The following CDC73 variants were observed in gnomAD, a reference collection of about 807,000 sequenced individuals.
CDC73 encodes cell division cycle 73.
CDC73 carries 21 observed loss-of-function variants against 83.7 expected under a neutral mutation model. The ratio of observed to expected loss-of-function variants is 0.25; its 90% CI spans 0.18 to 0.36. The LOEUF is 0.36. CDC73 is among the 10% of genes least tolerant of loss of function. The pLI, the probability that CDC73 is intolerant of heterozygous loss-of-function variation, is 1.00. For missense variants in CDC73, 342 were observed against 653.3 expected (o/e 0.52, Z 5.19); for synonymous variants, 224 against 212.9 (o/e 1.05, Z -0.45).
At chr1:193,237,184 A>C (rs1172797997) in intron 15 of CDC73, 1 of 151,874 alleles carries the variant, frequency 6.6e-6, no homozygotes, top group Non-Finnish European at 1.5e-5. Context: ...CCCATTAGTT[A>C]TTATGAATGT....
chr1:193,180,313 C>CTAT (rs771681605), intron 10 of CDC73: 1 of 1,578,780 alleles, frequency 6.3e-7, no homozygotes, highest in South Asian at 1.2e-5. Flanking sequence ...TTTACGGTGG[C>CTAT]GATACCTGCC....
intron 10 of CDC73, chr1:193,180,822 A>G (rs1279357292): frequency 1.2e-6 from 2 of 1,614,098 alleles, no homozygotes; most frequent in African/African-American, 1.3e-5. Flanking sequence ...TTTTCATAAC[A>G]TATGGAATAT....
chr1:193,223,504 T>C (rs1264032592), intron 13 of CDC73, among the ~76,000 whole-genome samples: 2 of 152,154 alleles, frequency 1.3e-5, no homozygotes, highest in African/African-American at 4.8e-5. Flanking sequence ...TTCCTTGCAG[T>C]TGTCAAAATA....
chr1:193,131,559 G>A (rs1675693809), intron 3 of CDC73, among the ~76,000 whole-genome samples: 1 of 152,098 alleles, frequency 6.6e-6, no homozygotes, highest in Admixed American at 6.6e-5. Flanking sequence ...ATCACTCTTA[G>A]AATAAAACTC....
Position 193,250,807 on chromosome 1 carries a change from T to G in CDC73, c.*95T>G, listed in dbSNP as rs780435158. The G allele has an allele frequency of 9.0e-7, 1 of 1,109,376 alleles. No homozygotes were observed. Among genetic ancestry groups the G allele is most frequent in the Non-Finnish European group, 1.4e-6 (1 of 728,206 alleles). 68.7% of individuals were successfully genotyped at this position (1,109,376 alleles called of 1,614,324 possible). A position where few individuals can be genotyped will look rare whatever the true frequency, so the allele number is the denominator to read the frequency against. On this transcript the variant is annotated 3_prime_UTR_variant, in exon 17 of 17. Transcript: ENST00000367435. ...AAGAAGGTCACAGATTGATCTTTTA[T>G]AAGACCTTATTTGATGCTTTGTGCT...
At chr1:193,235,656 T>A (rs1370527059) in intron 14 of CDC73, among the ~76,000 whole-genome samples, 1 of 152,184 alleles carries the variant, frequency 6.6e-6, no homozygotes, top group Non-Finnish European at 1.5e-5. Context: ...AAAAAATGCT[T>A]TAAAAACTAC....
At chr1:193,133,834 G>T (rs1174087814) in intron 3 of CDC73, among the ~76,000 whole-genome samples, 1 of 151,628 alleles carries the variant, frequency 6.6e-6, no homozygotes, top group Non-Finnish European at 1.5e-5. Flanking sequence ...CACAGAAAAG[G>T]TGATAAAATC....
chr1:193,196,751 C>G (rs1677009244), intron 10 of CDC73, among the ~76,000 whole-genome samples: 1 of 152,108 alleles, frequency 6.6e-6, no homozygotes, highest in African/African-American at 2.4e-5. Context: ...TTTGGACCAT[C>G]TATTGTTAGT....
intron 1 of CDC73, 91 bp from the exon 2 acceptor site, chr1:193,125,018 ATTG>A (rs1558277737): frequency 2.7e-6 from 2 of 742,372 alleles, no homozygotes; most frequent in East Asian, 2.6e-5. Context: ...TGTTAAACTC[ATTG>A]TTGTTAGCAA....
intron 10 of CDC73, chr1:193,180,603 A>G: frequency 6.2e-7 from 1 of 1,614,182 alleles, no homozygotes; most frequent in Non-Finnish European, 8.5e-7. Flanking sequence ...CCAGATCTCC[A>G]GAAAAAACAT....
At chr1:193,246,304 T>G (rs994307588) in intron 15 of CDC73, among the ~76,000 whole-genome samples, 1 of 152,092 alleles carries the variant, frequency 6.6e-6, no homozygotes, top group Non-Finnish European at 1.5e-5. Flanking sequence ...GAGGTAGGAA[T>G]CTAGTTTCAT....
intron 15 of CDC73, among the ~76,000 whole-genome samples, chr1:193,245,779 C>T (rs534824998): frequency 9.9e-5 from 15 of 152,238 alleles, no homozygotes; most frequent in African/African-American, 3.6e-4. Context: ...CCTTTCTCCA[C>T]ATCCTCTGGA....
At chr1:193,153,840 G>A (rs1042449912) in intron 10 of CDC73, among the ~76,000 whole-genome samples, 5 of 152,174 alleles carry the variant, frequency 3.3e-5, no homozygotes, top group Admixed American at 2.6e-4. Context: ...CTTGTTTAGA[G>A]AGAGAAGTCA....
chr1:193,180,708 T>G, intron 10 of CDC73: 1 of 1,614,134 alleles, frequency 6.2e-7, no homozygotes, highest in South Asian at 1.1e-5. Flanking sequence ...TGGGTGCATA[T>G]CCTCGCATTA....
rs530301636 is a variant in CDC73, at chr1:193,220,662, T to A, written c.1154+8185T>A. 6.2e-4 allele frequency among the ~76,000 whole-genome samples: 94 copies of A among 152,310 alleles called. 1 individual carries two copies. The highest frequency in any genetic ancestry group is 1.9e-3 in the African/African-American group (77 of 41,572). On this transcript the variant is annotated intron_variant, in intron 13 of 16. Transcript: ENST00000367435. ...TATATTCATACCTGAATTCTTTTTT[T>A]AAAAAATTTTTAGTACTTTTGAATG...
chr1:193,139,328 G>A (rs1248194168), intron 6 of CDC73, among the ~76,000 whole-genome samples: 3 of 150,988 alleles, frequency 2.0e-5, no homozygotes, highest in Admixed American at 1.3e-4. Context: ...GTGCAGTGGC[G>A]TGATCTCGGC....
chr1:193,204,285 A>AT (rs1177806535), intron 11 of CDC73, among the ~76,000 whole-genome samples: 9 of 133,626 alleles, frequency 6.7e-5, no homozygotes, highest in South Asian at 5.1e-4. Context: ...GTGTATATAT[A>AT]TATTTTTTTT....
chr1:193,212,171 T>A, intron 12 of CDC73, 71 bp downstream of exon 12: 1 of 1,256,706 alleles, frequency 8.0e-7, no homozygotes, highest in Non-Finnish European at 1.1e-6. Context: ...CCTGATAATT[T>A]TCTTGTGCAG....
chr1:193,204,196 T>C (rs1031350551), intron 11 of CDC73, among the ~76,000 whole-genome samples: 13 of 85,080 alleles, frequency 1.5e-4, no homozygotes, highest in Admixed American at 2.7e-4. Flanking sequence ...CACACACACA[T>C]ATATATACGT....
Sources: gnomAD v4.1 joint callset for allele counts (sites outside exome capture counted in the v4.1 genomes callset) on GRCh38, gnomAD v4.1.1 for gene constraint, MANE v1.5 for transcripts, NCBI Gene and HGNC (gene_info 2026-07-23, HGNC 2026-07-21) for gene names.